HDAC9: variants seen among roughly 807,000 people sequenced by gnomAD.
HDAC9 encodes the protein MEF-2 interacting transcription repressor (MITR) protein.
HDAC9 carries 41 observed loss-of-function variants against 139.4 expected under a neutral mutation model. The observed-to-expected ratio is 0.29, with a 90% confidence interval of 0.23 to 0.38. The LOEUF (loss-of-function observed/expected upper bound fraction) is 0.38, where lower values mean the gene tolerates loss of function less well. Ranked by LOEUF, HDAC9 falls within the 10% of genes least tolerant of loss-of-function variation. HDAC9 has a pLI of 1.00. For synonymous variants in HDAC9, 517 were observed against 476.2 expected (o/e 1.09, Z -1.12); for missense variants, 1,147 against 1,297.0 (o/e 0.88, Z 1.78).
intron 12 of HDAC9, chr7:18,667,485 A>G: frequency 1.0e-6 from 1 of 984,456 alleles, no homozygotes; most frequent in Non-Finnish European, 1.2e-6. Flanking sequence ...TAACAAAAAA[A>G]TTTACTTGTA....
chr7:18,817,455 G>C (rs1394292550), intron 17 of HDAC9, among the ~76,000 whole-genome samples: 3 of 152,178 alleles, frequency 2.0e-5, no homozygotes, highest in Non-Finnish European at 4.4e-5. Context: ...GCTTGAAGCA[G>C]TGATTTTCCA....
intron 12 of HDAC9, among the ~76,000 whole-genome samples, chr7:18,670,909 G>A (rs754632555): frequency 1.5e-4 from 22 of 151,118 alleles, no homozygotes; most frequent in Non-Finnish European, 2.5e-4. Context: ...GTTAGATGAA[G>A]GTTCTAATCC....
At chr7:18,506,313 A>G (rs1799755078) in intron 2 of HDAC9, among the ~76,000 whole-genome samples, 1 of 152,188 alleles carries the variant, frequency 6.6e-6, no homozygotes, top group South Asian at 2.1e-4. Flanking sequence ...CTCAGAGCAC[A>G]CAGGACTCTG....
chr7:18,991,819 G>T (rs1013076407), intron 25 of HDAC9, among the ~76,000 whole-genome samples: 6 of 152,150 alleles, frequency 3.9e-5, no homozygotes, highest in Admixed American at 2.6e-4. Flanking sequence ...AGAAGGTATT[G>T]TTTTACATAT....
chr7:18,521,335 A>C (rs988817339), intron 2 of HDAC9, among the ~76,000 whole-genome samples: 2 of 152,194 alleles, frequency 1.3e-5, no homozygotes, highest in African/African-American at 4.8e-5. Context: ...GTTGGATCCT[A>C]TCTACCAGGG....
intron 25 of HDAC9, among the ~76,000 whole-genome samples, chr7:18,982,879 T>C (rs1264570200): frequency 2.6e-5 from 4 of 152,214 alleles, no homozygotes; most frequent in Non-Finnish European, 5.9e-5. Context: ...TTTATCCGTA[T>C]ACCTACGGAT....
chr7:18,235,858 A>G (rs990173309), intron 2 of HDAC9, among the ~76,000 whole-genome samples: 5 of 152,230 alleles, frequency 3.3e-5, no homozygotes, highest in Non-Finnish European at 5.9e-5. Context: ...GATCAATACT[A>G]TGTAACAAGC....
chr7:18,341,315 A>C (rs1422678052), intron 1 of HDAC9, among the ~76,000 whole-genome samples: 1 of 151,378 alleles, frequency 6.6e-6, no homozygotes, highest in Non-Finnish European at 1.5e-5. Flanking sequence ...AAAATTTGAA[A>C]ATTTTTTTGC....
At chr7:18,539,868 A>G (rs1241628576) in intron 2 of HDAC9, among the ~76,000 whole-genome samples, 2 of 152,084 alleles carry the variant, frequency 1.3e-5, no homozygotes, top group Admixed American at 6.6e-5. Flanking sequence ...AAAAATGTCA[A>G]TTTTACCATA....
chr7:18,563,095 A>C (rs1821112683), intron 2 of HDAC9, among the ~76,000 whole-genome samples: 1 of 152,162 alleles, frequency 6.6e-6, no homozygotes, highest in Admixed American at 6.5e-5. Flanking sequence ...ATATTTTGAC[A>C]GAAAACTTTT....
intron 1 of HDAC9, among the ~76,000 whole-genome samples, chr7:18,473,027 T>C (rs932105829): frequency 1.3e-5 from 2 of 152,212 alleles, no homozygotes; most frequent in African/African-American, 4.8e-5. Context: ...GTCTGGGATA[T>C]GTCAAAGCCA....
At chr7:18,684,184 G>T (rs1782090548) in intron 12 of HDAC9, among the ~76,000 whole-genome samples, 1 of 151,734 alleles carries the variant, frequency 6.6e-6, no homozygotes, top group African/African-American at 2.4e-5. Context: ...CTTGAGCCTG[G>T]AGGCGGAGAT....
chr7:18,949,106 G>T, intron 23 of HDAC9: 1 of 316,156 alleles, frequency 3.2e-6, no homozygotes. Flanking sequence ...TTTTTTGAAG[G>T]ATTCTTGACC....
intron 1 of HDAC9, among the ~76,000 whole-genome samples, chr7:18,319,370 T>C (rs1799872134): frequency 6.6e-6 from 1 of 152,238 alleles, no homozygotes; most frequent in Non-Finnish European, 1.5e-5. Flanking sequence ...AGGCACAATG[T>C]ATCTACAAAT....
intron 2 of HDAC9, among the ~76,000 whole-genome samples, chr7:18,521,953 A>C (rs185391115): frequency 6.6e-6 from 1 of 152,284 alleles, no homozygotes; most frequent in Admixed American, 6.5e-5. Context: ...CATTTGTTGA[A>C]AGGAAAAATC....
chr7:18,735,320 G>T (rs1178143), intron 13 of HDAC9, among the ~76,000 whole-genome samples: 44,545 of 151,970 alleles, frequency 0.29, 7,604 homozygotes, highest in East Asian at 0.52. Context: ...CATGCCTATG[G>T]CCTGAATGGT....
chr7:18,519,409 G>A (rs1804280143), intron 2 of HDAC9, among the ~76,000 whole-genome samples: 1 of 152,092 alleles, frequency 6.6e-6, no homozygotes. Context: ...AATATAAACT[G>A]TAAATCAGTA....
Position 18,138,566 on chromosome 7 carries a change from A to C in HDAC9, c.-96-23663A>C, listed in dbSNP as rs945312923. 1.3e-3 allele frequency among the ~76,000 whole-genome samples: 130 copies of C among 102,274 alleles called. 1 individual carries two copies. The highest frequency in any genetic ancestry group is 3.8e-3 in the African/African-American group (127 of 33,140). 67.1% of individuals were successfully genotyped at this position (102,274 alleles called of 152,430 possible). A position where few individuals can be genotyped will look rare whatever the true frequency, so the allele number is the denominator to read the frequency against. ...TGTGTGTGTGTGTGTGTGTGTGTGC[A>C]CATGCTCATTTAGTTATTTGGGTTT... is the stretch of plus-strand genomic sequence containing the variant. On this transcript the variant is annotated intron_variant, in intron 1 of 12. Transcript: ENST00000417496.
intron 13 of HDAC9, among the ~76,000 whole-genome samples, chr7:18,745,186 T>C (rs1286530847): frequency 6.6e-6 from 1 of 152,146 alleles, no homozygotes; most frequent in East Asian, 1.9e-4. Context: ...AGGGAAGGAA[T>C]GAAGATGAAG....
Sources: allele counts gnomAD v4.1 joint callset (sites outside exome capture counted in the v4.1 genomes callset), GRCh38; gene constraint gnomAD v4.1.1; transcripts MANE v1.5; gene names NCBI Gene and HGNC (gene_info 2026-07-23, HGNC 2026-07-21).